MCOLN1: variants seen among roughly 807,000 people sequenced by gnomAD.
MCOLN1 encodes the protein mucolipin-1.
A neutral mutation model predicts 70.3 loss-of-function variants in MCOLN1; 50 were observed. That is an observed-to-expected ratio of 0.71 (90% CI 0.57 to 0.90). The LOEUF (loss-of-function observed/expected upper bound fraction) is 0.90. Among genes scored for constraint, MCOLN1 ranks in the 40% least tolerant of loss-of-function variants. The pLI, the probability that MCOLN1 is intolerant of heterozygous loss-of-function variation, is 0.00. For synonymous variants in MCOLN1, 366 were observed against 341.0 expected (o/e 1.07, Z -0.81); for missense variants, 598 against 803.5 (o/e 0.74, Z 3.09).
In MCOLN1 at chr19:7,529,113, TACG is replaced by T; in HGVS notation, c.1151_1153del (p.Asp384del). On this transcript the variant is annotated inframe_deletion, in exon 10 of 14. Transcript: ENST00000264079. ...CTCCCACCCGCAGAACTTGGCGAGC[TACG>T]ACGTCTGCAGCATCCTCCTGGGCAC... 1 of 1,613,934 alleles carries T rather than the reference TACG, an allele frequency of 6.2e-7. No individual in the cohort carries two copies. The highest frequency in any genetic ancestry group is 8.5e-7 in the Non-Finnish European group (1 of 1,180,016).
Position 7,526,679 on chromosome 19 carries a change from G to T in MCOLN1, c.405+73G>T, listed in dbSNP as rs111592394. The T allele has an allele frequency of 3.6e-3, 5,733 of 1,600,234 alleles. 163 individuals are homozygous for T. In the African/African-American group the frequency reaches 0.062, roughly 17 times the overall value. On this transcript the variant is annotated intron_variant, in intron 3 of 13. Coordinates refer to ENST00000264079, the MANE Select transcript of MCOLN1 (RefSeq NM_020533.3). This position sits in a 1 kb window ranked among gnomAD's most constrained non-coding sequence, Gnocchi z 4.6. ...CGGGCAGGTGCAGTTGGGCGGGCAGGTGCTGGTGGGCGGGCAGGTGCAGGT... is the reference window on the plus strand; with the variant it reads ...CGGGCAGGTGCAGTTGGGCGGGCAGTTGCTGGTGGGCGGGCAGGTGCAGGT...
intron 1 of MCOLN1, among the ~76,000 whole-genome samples, chr19:7,523,312 A>T (rs1049630454): frequency 6.6e-6 from 1 of 152,090 alleles, no homozygotes; most frequent in Non-Finnish European, 1.5e-5. Flanking sequence ...TTCTGATGCC[A>T]CCCCTCCTCG....
At chr19:7,533,686 G>A (rs2022706529) in intron 13 of MCOLN1, 33 bp downstream of exon 13, 22 of 1,614,150 alleles carry the variant, frequency 1.4e-5, no homozygotes, top group Non-Finnish European at 1.9e-5. Context: ...ATTCAGATTG[G>A]AGGTTAGGGA....
At chr19:7,529,515 A>AGGGGGCC in intron 10 of MCOLN1, 75 bp from the exon 11 acceptor site, 1 of 407,486 alleles carries the variant, frequency 2.5e-6, no homozygotes. Flanking sequence ...CGCCCCTCCC[A>AGGGGGCC]CCCCCATCTG....
At position 7,529,119 on chromosome 19, in the gene MCOLN1, G is replaced by A. The variant is rs550264072; in HGVS notation, c.1153G>A (p.Val385Ile). 1.5e-5 allele frequency: 24 copies of A among 1,613,922 alleles called. No individual in the cohort carries two copies. The highest frequency in any genetic ancestry group is 6.7e-5 in the East Asian group (3 of 44,872). ...CCCGCAGAACTTGGCGAGCTACGAC[G>A]TCTGCAGCATCCTCCTGGGCACCTC... ...IEAKNLASYD[V>I]CSILLGTSTL... The change falls in exon 10 of 14, where the codon GTC becomes ATC. Residue 385 changes from valine (V) to isoleucine (I), a missense_variant. Transcript: ENST00000264079.
chr19:7,529,360 G>T (rs966044302), intron 10 of MCOLN1, among the ~76,000 whole-genome samples, 158 bp downstream of exon 10: 7 of 152,106 alleles, frequency 4.6e-5, no homozygotes, highest in African/African-American at 1.7e-4. Context: ...CTGCACCTGC[G>T]CGGGGCCCCG....
rs2022598138 is a variant in MCOLN1 at position 7,528,070 on chromosome 19, G to A, written c.778-88G>A. ...GCAAGCGTGCGGGTGATGAGGGAGG[G>A]AGCCCGGGGTCTGTCAGGCCACCTG... On this transcript the variant is annotated intron_variant, in intron 6 of 13. Transcript: ENST00000264079. The surrounding 1 kb of genome is among the most constrained non-coding windows in gnomAD (Gnocchi z 4.2). 1.3e-6 allele frequency: 2 copies of A among 1,536,088 alleles called. No individual in the cohort carries two copies. Among genetic ancestry groups the A allele is most frequent in the Non-Finnish European group, 1.8e-6 (2 of 1,109,486 alleles).
At chr19:7,523,749 A>G (rs2022528414) in intron 1 of MCOLN1, among the ~76,000 whole-genome samples, 1 of 152,244 alleles carries the variant, frequency 6.6e-6, no homozygotes, top group African/African-American at 2.4e-5. Flanking sequence ...ATAAACAGTG[A>G]TTAGAACAGC....
intron 9 of MCOLN1, 39 bp downstream of exon 9, chr19:7,529,009 C>T: frequency 6.2e-7 from 1 of 1,614,012 alleles, no homozygotes; most frequent in Non-Finnish European, 8.5e-7. Flanking sequence ...GGTCCCATCC[C>T]TGCTGTCAGT....
intron 11 of MCOLN1, 33 bp downstream of exon 11, chr19:7,529,745 C>T (rs780749023): frequency 1.9e-6 from 3 of 1,613,506 alleles, no homozygotes; most frequent in South Asian, 2.2e-5. Context: ...CTGACATTGA[C>T]CCTGTGACCT....
At chr19:7,532,026 G>A (rs1029617389) in intron 12 of MCOLN1, among the ~76,000 whole-genome samples, 4 of 152,322 alleles carry the variant, frequency 2.6e-5, no homozygotes, top group South Asian at 2.1e-4. Flanking sequence ...TCCAGAAGCC[G>A]TGCTCCTAAC....
rs773382513 is a variant in MCOLN1, at chr19:7,528,684, G to A, written c.965G>A (p.Arg322Gln). 3.7e-6 allele frequency: 6 copies of A among 1,614,166 alleles called. No individual in the cohort carries two copies. The highest frequency in any genetic ancestry group is 3.3e-5 in the South Asian group (3 of 91,086). The change falls in exon 8 of 14, where the codon CGA (arginine) becomes CAA (glutamine). Residue 322 changes from arginine to glutamine, a missense_variant. This residue lies in a region of MCOLN1 where 461 missense variants were observed against 588.4 expected (regional missense o/e 0.78). Coordinates refer to ENST00000264079, the MANE Select transcript of MCOLN1 (RefSeq NM_020533.3). The surrounding 1 kb of genome is among the most constrained non-coding windows in gnomAD (Gnocchi z 4.2). ...CTCCTCTGCGCCCGCTCACTCCTTC[G>A]AGGCTTCCTGCTGCAGAACGTGAGG... ...SFLLCARSLL[R>Q]GFLLQNEFVG...
rs531720629 is a variant in MCOLN1, at chr19:7,526,708, T to C, written c.406-53T>C. 13 of 1,605,092 alleles carry C rather than the reference T, an allele frequency of 8.1e-6. No individual in the cohort carries two copies. Among genetic ancestry groups the C allele is most frequent in the South Asian group, 2.2e-5 (2 of 90,772 alleles). On this transcript the variant is annotated intron_variant, in intron 3 of 13. Coordinates refer to ENST00000264079, the MANE Select transcript of MCOLN1 (RefSeq NM_020533.3). This position sits in a 1 kb window ranked among gnomAD's most constrained non-coding sequence, Gnocchi z 4.6. ...TGGTGGGCGGGCAGGTGCAGGTGGG[T>C]GGGCTGCAGAGAGCGGGCCGGACTC...
At position 7,525,765 on chromosome 19, in the gene MCOLN1, G is replaced by A. The variant is rs2022559555; in HGVS notation, c.237+599G>A. ...TCACCATGCCTCTAATTTTCCCTCT[G>A]AAAAGGGACCCAATTGTCCAGGCAT... On this transcript the variant is annotated intron_variant, in intron 2 of 13. Coordinates refer to ENST00000264079, the MANE Select transcript of MCOLN1 (RefSeq NM_020533.3). This position sits in a 1 kb window ranked among gnomAD's most constrained non-coding sequence, Gnocchi z 4.2. 5.9e-6 allele frequency: 1 copy of A among 169,184 alleles called. No individual in the cohort carries two copies. Among genetic ancestry groups the A allele is most frequent in the Non-Finnish European group, 1.3e-5 (1 of 77,692 alleles). 10.5% of individuals were successfully genotyped at this position (169,184 alleles called of 1,614,324 possible).
chr19:7,522,743 G>T lies in MCOLN1; in HGVS notation c.-8G>T. 1.4e-6 allele frequency: 2 copies of T among 1,450,478 alleles called. No individual in the cohort carries two copies. The highest frequency in any genetic ancestry group is 1.8e-6 in the Non-Finnish European group (2 of 1,105,598). The allele number at this position is 1,450,478 out of a possible 1,614,324, so 89.9% of individuals were successfully genotyped here. A position where few individuals can be genotyped will look rare whatever the true frequency, so the allele number is the denominator to read the frequency against. ...GTACCCGCCTGCGTCCCGCGCTCCC[G>T]CCCCAGCATGACAGCCCCGGCGGGT... On this transcript the variant is annotated 5_prime_UTR_variant, in exon 1 of 14. Transcript: ENST00000264079.
Position 7,522,694 on chromosome 19 carries a change from C to T in MCOLN1, c.-57C>T. On this transcript the variant is annotated 5_prime_UTR_variant, in exon 1 of 14. Transcript: ENST00000264079. ...GCGAGGTCGCAGTGACAGCGGCGGG[C>T]GATCGGACCCAGGCTGCCCCGCCGT... 2.1e-6 allele frequency: 3 copies of T among 1,426,472 alleles called. No individual in the cohort carries two copies. The highest frequency in any genetic ancestry group is 2.8e-6 in the Non-Finnish European group (3 of 1,090,722). The allele number at this position is 1,426,472 out of a possible 1,614,324, so 88.4% of individuals were successfully genotyped here.
chr19:7,533,929 T>G lies in MCOLN1; in HGVS notation c.*134T>G, dbSNP rs2146030973. The G allele has an allele frequency of 9.8e-7, 1 of 1,021,634 alleles. No homozygotes were observed. The highest frequency in any genetic ancestry group is 1.5e-6 in the Non-Finnish European group (1 of 670,934). 63.3% of individuals were successfully genotyped at this position (1,021,634 alleles called of 1,614,324 possible). On this transcript the variant is annotated 3_prime_UTR_variant, in exon 14 of 14. Coordinates refer to ENST00000264079, the MANE Select transcript of MCOLN1 (RefSeq NM_020533.3). The stretch of plus-strand genomic sequence containing the variant: ...GCCCGAGGAGGGCCTGGACCTTTCG[T>G]GTCGGACCCTTGGGGGCGGGGAGAC...
chr19:7,525,370 T>C lies in MCOLN1; in HGVS notation c.237+204T>C. ...TTAGCCGTGCGTGGTGGCGGGTGCCTGTAATCCCAGCTACTTGGCAGGCTG... is the reference window on the plus strand; with the variant it reads ...TTAGCCGTGCGTGGTGGCGGGTGCCCGTAATCCCAGCTACTTGGCAGGCTG... On this transcript the variant is annotated intron_variant, in intron 2 of 13. Transcript: ENST00000264079. The surrounding 1 kb of genome is among the most constrained non-coding windows in gnomAD (Gnocchi z 4.2). The C allele has an allele frequency of 1.8e-6, 1 of 544,444 alleles. No individual in the cohort carries two copies. The highest frequency in any genetic ancestry group is 3.4e-6 in the Non-Finnish European group (1 of 297,588). The allele number at this position is 544,444 out of a possible 1,614,324, so 33.7% of individuals were successfully genotyped here.
At chr19:7,529,060 A>G in intron 9 of MCOLN1, 41 bp from the exon 10 acceptor site, 1 of 1,613,080 alleles carries the variant, frequency 6.2e-7, no homozygotes, top group South Asian at 1.1e-5. Flanking sequence ...CCCCCAAAGG[A>G]AGGGCTGGGC....
Sources: allele counts gnomAD v4.1 joint callset (sites outside exome capture counted in the v4.1 genomes callset), GRCh38; gene constraint gnomAD v4.1.1; regional missense constraint gnomAD v4.1.1; non-coding constraint Gnocchi (gnomAD v3.1); transcripts MANE v1.5; gene names NCBI Gene and HGNC (gene_info 2026-07-23, HGNC 2026-07-21).